Variants in ERO1B observed in about 807,000 individuals in gnomAD.
ERO1B encodes endoplasmic reticulum oxidoreductase 1 beta, also known as ERO1-like protein beta.
A neutral mutation model predicts 75.3 loss-of-function variants in ERO1B; 49 were observed. The observed-to-expected ratio is 0.65, with a 90% CI of 0.52 to 0.83. ERO1B has a LOEUF of 0.83. ERO1B is among the 40% of genes least tolerant of loss of function. The pLI is 0.00. For missense variants in ERO1B, 512 were observed against 560.1 expected (o/e 0.91, Z 0.87); for synonymous variants, 191 against 192.9 (o/e 0.99, Z 0.08).
intron 6 of ERO1B, among the ~76,000 whole-genome samples, chr1:236,242,111 G>A (rs1376393868): frequency 6.6e-6 from 1 of 151,604 alleles, no homozygotes; most frequent in Non-Finnish European, 1.5e-5. Context: ...ACTGATGGCA[G>A]GTAATCTACA....
At chr1:236,239,909 A>ATTTTTTTTTTTTTTTTT (rs1345692165) in intron 6 of ERO1B, among the ~76,000 whole-genome samples, 2 of 106,962 alleles carry the variant, frequency 1.9e-5, no homozygotes, top group African/African-American at 6.9e-5. Flanking sequence ...ATATATATAT[A>ATTTTTTTTTTTTTTTTT]TATTTTTTTT....
intron 5 of ERO1B, among the ~76,000 whole-genome samples, chr1:236,247,235 C>T (rs1243714030): frequency 2.0e-5 from 3 of 152,160 alleles, no homozygotes; most frequent in Non-Finnish European, 2.9e-5. Context: ...CAACTGCCTA[C>T]CTGAAATCTC....
rs1256612064 is a variant in ERO1B, at chr1:236,217,673, T to G, written c.*843A>C. 6.6e-6 allele frequency: 1 copy of G among 152,628 alleles called. No homozygotes were observed. Among genetic ancestry groups the G allele is most frequent in the Non-Finnish European group, 1.5e-5 (1 of 68,026 alleles). The allele number at this position is 152,628 out of a possible 1,614,324, so 9.5% of individuals were successfully genotyped here. On this transcript the variant is annotated 3_prime_UTR_variant, in exon 16 of 16. Transcript: ENST00000354619. The stretch of plus-strand genomic sequence containing the variant: ...AGTAATCTGTTAAATATTTCTGCAG[T>G]GTTTTCTTTCTAAAAGTAACTGACA...
chr1:236,267,797 T>G (rs1479430890), intron 2 of ERO1B: 1 of 152,236 alleles, frequency 6.6e-6, no homozygotes, highest in Non-Finnish European at 1.5e-5. Flanking sequence ...CTCGGCCTTT[T>G]GGCTAAGATC....
At chr1:236,275,927 T>C (rs1407763194) in intron 1 of ERO1B, among the ~76,000 whole-genome samples, 2 of 152,206 alleles carry the variant, frequency 1.3e-5, no homozygotes, top group African/African-American at 2.4e-5. Context: ...ATAGAATGTT[T>C]CTCTTTTATA....
intron 9 of ERO1B, among the ~76,000 whole-genome samples, chr1:236,232,150 T>C (rs1664424964): frequency 6.6e-6 from 1 of 152,202 alleles, no homozygotes; most frequent in African/African-American, 2.4e-5. Flanking sequence ...TCTAAGGAGC[T>C]ATATATATCA....
chr1:236,226,252 G>T lies in ERO1B; in HGVS notation c.1052+17C>A. The T allele has an allele frequency of 6.2e-7, 1 of 1,610,300 alleles. No homozygotes were observed. The highest frequency in any genetic ancestry group is 1.1e-5 in the South Asian group (1 of 90,510). On this transcript the variant is annotated intron_variant, in intron 12 of 15. Transcript: ENST00000354619. ...TACAGAGAGGAGAATTTCAAATCAC[G>T]GATAGTCAATTCTTACTTTGTATCT...
Position 236,216,492 on chromosome 1 carries a change from A to G in ERO1B, c.*2024T>C, listed in dbSNP as rs1572023577. On this transcript the variant is annotated 3_prime_UTR_variant, in exon 16 of 16. Transcript: ENST00000354619. ...ATTTCAGCCTAAGAATACTTCATTT[A>G]TTTTCTTAGTTGTGAAAAAATTAGT... The G allele has an allele frequency of 6.6e-6, 1 of 152,216 alleles. No homozygotes were observed. Among genetic ancestry groups the G allele is most frequent in the Non-Finnish European group, 1.5e-5 (1 of 67,956 alleles). The allele number at this position is 152,216 out of a possible 1,614,324, so 9.4% of individuals were successfully genotyped here. A position where few individuals can be genotyped will look rare whatever the true frequency, so the allele number is the denominator to read the frequency against.
At chr1:236,250,618 T>TATATATATATATATATATGTATAG (rs1491338079) in intron 4 of ERO1B, among the ~76,000 whole-genome samples, 1 of 110,236 alleles carries the variant, frequency 9.1e-6, no homozygotes. Context: ...TATATATATA[T>TATATATATATATATATATGTATAG]CAAACGTGTG....
chr1:236,239,909 A>ATTT (rs1345692165), intron 6 of ERO1B, among the ~76,000 whole-genome samples: 4 of 106,960 alleles, frequency 3.7e-5, no homozygotes, highest in African/African-American at 1.0e-4. Flanking sequence ...ATATATATAT[A>ATTT]TATTTTTTTT....
At chr1:236,259,645 G>A (rs886241974) in intron 2 of ERO1B, among the ~76,000 whole-genome samples, 1 of 151,930 alleles carries the variant, frequency 6.6e-6, no homozygotes, top group Non-Finnish European at 1.5e-5. Flanking sequence ...GATAAAGAAG[G>A]TCATTTAAAA....
At chr1:236,232,870 G>C in intron 8 of ERO1B, 31 bp from the exon 9 acceptor site, 2 of 1,574,460 alleles carry the variant, frequency 1.3e-6, no homozygotes, top group Non-Finnish European at 1.7e-6. Flanking sequence ...AAAGATTTTA[G>C]AAAATGTCTT....
intron 1 of ERO1B, among the ~76,000 whole-genome samples, chr1:236,278,407 G>A (rs1009263877): frequency 9.9e-5 from 15 of 151,776 alleles, no homozygotes; most frequent in African/African-American, 3.4e-4. Context: ...TCAATATAAG[G>A]GTAAACGAGA....
chr1:236,220,721 A>ATTT (rs1325243743), intron 15 of ERO1B, 111 bp downstream of exon 15: 77 of 875,432 alleles, frequency 8.8e-5, no homozygotes, highest in African/African-American at 5.9e-4. Context: ...TACAATATAA[A>ATTT]ATTTTTTTTT....
chr1:236,239,861 A>ATG lies in ERO1B; in HGVS notation c.506-3464_506-3463insCA, dbSNP rs765721682. On this transcript the variant is annotated intron_variant, in intron 6 of 15. Coordinates refer to ENST00000354619, the MANE Select transcript of ERO1B (RefSeq NM_019891.4). ...TGTATATATATATGTGTATATATGT[A>ATG]TATATATATGTGTATATGTGTGTGT... Among the ~76,000 whole-genome samples, 46 of 27,160 alleles carry ATG rather than the reference A, an allele frequency of 1.7e-3. 1 individual carries two copies. Among genetic ancestry groups the ATG allele is most frequent in the Non-Finnish European group, 2.0e-3 (35 of 17,124 alleles). The allele number at this position is 27,160 out of a possible 152,430, so 17.8% of individuals were successfully genotyped here.
At chr1:236,274,483 A>G (rs1572071728) in intron 1 of ERO1B, among the ~76,000 whole-genome samples, 1 of 152,092 alleles carries the variant, frequency 6.6e-6, no homozygotes, top group East Asian at 1.9e-4. Flanking sequence ...CTTCATACTC[A>G]TCTGCAGAAA....
chr1:236,250,271 A>T (rs1572052976), intron 4 of ERO1B, among the ~76,000 whole-genome samples: 1 of 152,128 alleles, frequency 6.6e-6, no homozygotes, highest in Non-Finnish European at 1.5e-5. Context: ...GGAGTTCAAG[A>T]CCAGCCTGGT....
chr1:236,219,140 A>G (rs2102936100), intron 15 of ERO1B, among the ~76,000 whole-genome samples: 1 of 152,330 alleles, frequency 6.6e-6, no homozygotes, highest in Non-Finnish European at 1.5e-5. Context: ...CCTATGTACA[A>G]TTCAGGGGTG....
At chr1:236,264,347 G>C (rs1665370706) in intron 2 of ERO1B, among the ~76,000 whole-genome samples, 1 of 152,052 alleles carries the variant, frequency 6.6e-6, no homozygotes, top group Non-Finnish European at 1.5e-5. Context: ...GGCCTCAACT[G>C]ATCCACTTGC....
Sources: allele counts gnomAD v4.1 joint callset (sites outside exome capture counted in the v4.1 genomes callset), GRCh38; gene constraint gnomAD v4.1.1; transcripts MANE v1.5; gene names NCBI Gene and HGNC (gene_info 2026-07-23, HGNC 2026-07-21).